DRC12: variants seen among roughly 807,000 people sequenced by gnomAD.
DRC12 encodes the protein dynein regulatory complex protein 12.
chr11:119,194,795 C>T, the DRC12 span: 1 of 551,792 alleles, frequency 1.8e-6, no homozygotes, highest in Non-Finnish European at 3.3e-6. Context: ...TCATCTTTTT[C>T]CACTAGGGGA....
chr11:119,190,646 G>A, the DRC12 span: 4 of 1,582,416 alleles, frequency 2.5e-6, no homozygotes, highest in Non-Finnish European at 3.4e-6. The surrounding 1 kb of genome is among the most constrained non-coding windows in gnomAD (Gnocchi z 4.2). Context: ...ATACGAGCTG[G>A]GGTTTGTGGG....
At chr11:119,193,111 A>G in the DRC12 span, 1 of 1,554,946 alleles carries the variant, frequency 6.4e-7, no homozygotes. Context: ...CCTTGCTGCA[A>G]CTCTTGGAGA....
At chr11:119,192,336 T>C in the DRC12 span, among the ~76,000 whole-genome samples, 2 of 152,220 alleles carry the variant, frequency 1.3e-5, no homozygotes, top group Non-Finnish European at 1.5e-5. Flanking sequence ...TCATGTGTCA[T>C]GCTGAGATAT....
the DRC12 span, chr11:119,193,714 T>G: frequency 6.5e-7 from 1 of 1,544,064 alleles, no homozygotes; most frequent in Non-Finnish European, 8.8e-7. Context: ...CCCTGTTGGT[T>G]GTCCTCCTCC....
the DRC12 span, among the ~76,000 whole-genome samples, chr11:119,194,513 C>G: frequency 1.4e-4 from 1 of 7,124 alleles, no homozygotes; most frequent in Non-Finnish European, 2.3e-4. Flanking sequence ...AAGACTCTGT[C>G]TCAAAAAAAA....
chr11:119,190,583 G>A, the DRC12 span: 1 of 1,550,136 alleles, frequency 6.5e-7, no homozygotes, highest in Non-Finnish European at 8.8e-7. The surrounding 1 kb of genome is among the most constrained non-coding windows in gnomAD (Gnocchi z 4.2). Flanking sequence ...TCAGGATAGA[G>A]CAGGGCTCCC....
the DRC12 span, chr11:119,194,776 C>CA: frequency 1.7e-6 from 1 of 595,002 alleles, no homozygotes; most frequent in Non-Finnish European, 3.0e-6. Flanking sequence ...CACTGCCCAC[C>CA]CTCTCTCATC....
At chr11:119,194,541 A>AAAAAAAG in the DRC12 span, among the ~76,000 whole-genome samples, 31 of 66,032 alleles carry the variant, frequency 4.7e-4, 6 homozygotes, top group East Asian at 1.2e-3. Flanking sequence ...AAAAAAAAAA[A>AAAAAAAG]AAAATAAATA....
the DRC12 span, among the ~76,000 whole-genome samples, chr11:119,191,002 G>T: frequency 6.6e-6 from 1 of 152,188 alleles, no homozygotes; most frequent in African/African-American, 2.4e-5. Context: ...CTCCACTGAG[G>T]TATATAGCAG....
chr11:119,193,379 G>C, the DRC12 span: 2 of 856,782 alleles, frequency 2.3e-6, no homozygotes, highest in Non-Finnish European at 1.8e-6. Context: ...GGTTCTTTTT[G>C]TGATTCTGAG....
the DRC12 span, chr11:119,193,523 T>G: frequency 7.5e-7 from 1 of 1,337,984 alleles, no homozygotes; most frequent in Non-Finnish European, 9.9e-7. Context: ...ACTGCATGTG[T>G]ATCCTACACA....
chr11:119,195,578 C>T, the DRC12 span: 2 of 1,017,002 alleles, frequency 2.0e-6, no homozygotes, highest in South Asian at 2.8e-5. Flanking sequence ...CCAGGAGACT[C>T]TCCTGAGTCC....
the DRC12 span, chr11:119,190,356 G>A: frequency 6.9e-5 from 112 of 1,613,852 alleles, no homozygotes; most frequent in Non-Finnish European, 8.1e-5. This position sits in a 1 kb window ranked among gnomAD's most constrained non-coding sequence, Gnocchi z 4.2. Flanking sequence ...CCAAACTGGC[G>A]TTGCTGCTCC....
At chr11:119,194,342 G>A in the DRC12 span, among the ~76,000 whole-genome samples, 4 of 151,708 alleles carry the variant, frequency 2.6e-5, no homozygotes, top group South Asian at 2.1e-4. Flanking sequence ...GTGAAAACCC[G>A]TCTCTACTAA....
At chr11:119,190,401 C>A in the DRC12 span, 1 of 1,613,836 alleles carries the variant, frequency 6.2e-7, no homozygotes, top group East Asian at 2.2e-5. The surrounding 1 kb of genome is among the most constrained non-coding windows in gnomAD (Gnocchi z 4.2). Flanking sequence ...GCTGCCCCAT[C>A]CCACTGCTGC....
At chr11:119,191,139 C>T in the DRC12 span, among the ~76,000 whole-genome samples, 82 of 150,280 alleles carry the variant, frequency 5.5e-4, no homozygotes, top group African/African-American at 2.0e-3. Context: ...CTCACTCTGT[C>T]GCCAGGCTGG....
At chr11:119,195,333 C>T in the DRC12 span, 1 of 1,206,770 alleles carries the variant, frequency 8.3e-7, no homozygotes, top group South Asian at 1.3e-5. Flanking sequence ...TCCTGTCCTG[C>T]AGAAGGCTGA....
the DRC12 span, chr11:119,193,280 T>G: frequency 1.2e-5 from 18 of 1,549,672 alleles, no homozygotes; most frequent in Non-Finnish European, 1.4e-5. Flanking sequence ...GGACCCAGGT[T>G]GGAGATGGAG....
the DRC12 span, chr11:119,193,975 A>G: frequency 4.5e-6 from 6 of 1,328,874 alleles, no homozygotes; most frequent in African/African-American, 8.8e-5. Flanking sequence ...CACCTCTAGA[A>G]ATCTGGTGGT....
Sources: allele counts gnomAD v4.1 joint callset (sites outside exome capture counted in the v4.1 genomes callset), GRCh38; gene constraint gnomAD v4.1.1; non-coding constraint Gnocchi (gnomAD v3.1); transcripts MANE v1.5; gene names NCBI Gene and HGNC (gene_info 2026-07-23, HGNC 2026-07-21).